The following SBF2 variants were observed in gnomAD, a reference collection of about 807,000 sequenced individuals.
SBF2 encodes the protein SET binding factor 2.
Under a neutral mutation model 225.2 loss-of-function variants are expected in SBF2, and 112 were observed. That is an observed-to-expected ratio of 0.50 (90% CI 0.43 to 0.58). The LOEUF (loss-of-function observed/expected upper bound fraction) is 0.58, where lower values mean the gene tolerates loss of function less well. Among genes scored for constraint, SBF2 ranks in the 20% least tolerant of loss-of-function variants. The pLI is 0.00. For missense variants in SBF2, 1,996 were observed against 2,206.2 expected (o/e 0.90, Z 1.91); for synonymous variants, 763 against 773.3 (o/e 0.99, Z 0.22).
At chr11:10,280,018 C>T (rs12285084) in intron 1 of SBF2, among the ~76,000 whole-genome samples, 3,202 of 152,292 alleles carry the variant, frequency 0.021, 84 homozygotes, top group African/African-American at 0.063. Context: ...AAATGTTTGG[C>T]ATCAGAATTG....
chr11:9,825,062 T>A (rs566588390), intron 28 of SBF2, among the ~76,000 whole-genome samples: 1 of 152,266 alleles, frequency 6.6e-6, no homozygotes, highest in African/African-American at 2.4e-5. Flanking sequence ...ATGGCTGTAA[T>A]GGGTTGAAAT....
chr11:10,129,410 T>A (rs991550556), intron 2 of SBF2, among the ~76,000 whole-genome samples: 1 of 152,152 alleles, frequency 6.6e-6, no homozygotes, highest in Non-Finnish European at 1.5e-5. Context: ...GCCAATTTTC[T>A]CTCCTTTCTT....
chr11:9,901,402 T>C (rs765228826), intron 16 of SBF2, among the ~76,000 whole-genome samples: 1 of 152,178 alleles, frequency 6.6e-6, no homozygotes, highest in East Asian at 1.9e-4. Context: ...TACAACCAAA[T>C]GAATAGACCC....
chr11:9,926,117 T>C (rs1252874327), intron 16 of SBF2, among the ~76,000 whole-genome samples: 1 of 152,236 alleles, frequency 6.6e-6, no homozygotes, highest in Non-Finnish European at 1.5e-5. Flanking sequence ...CTATCTGTAA[T>C]CTGGCTTAAG....
intron 2 of SBF2, among the ~76,000 whole-genome samples, chr11:10,163,259 ACT>A (rs917137645): frequency 6.6e-6 from 1 of 152,122 alleles, no homozygotes; most frequent in Non-Finnish European, 1.5e-5. Flanking sequence ...ATTTTCAAAG[ACT>A]CTCTCACATC....
intron 1 of SBF2, among the ~76,000 whole-genome samples, chr11:10,213,211 T>C (rs1371172486): frequency 6.6e-6 from 1 of 152,204 alleles, no homozygotes; most frequent in Non-Finnish European, 1.5e-5. Context: ...CTGTTGTATT[T>C]TCTTAAAGGT....
At chr11:9,851,152 ACAAC>A (rs1856920202) in intron 21 of SBF2, among the ~76,000 whole-genome samples, 1 of 116,868 alleles carries the variant, frequency 8.6e-6, no homozygotes, top group Non-Finnish European at 2.0e-5. Context: ...AAAAAAAACA[ACAAC>A]AAAAAAAAAC....
intron 16 of SBF2, among the ~76,000 whole-genome samples, chr11:9,919,136 T>C (rs1233408634): frequency 6.6e-6 from 1 of 152,136 alleles, no homozygotes; most frequent in Admixed American, 6.5e-5. Context: ...AATTAGGTCA[T>C]TCTTCAGTTC....
chr11:10,185,855 G>C (rs4281477), intron 2 of SBF2, among the ~76,000 whole-genome samples: 33,140 of 151,918 alleles, frequency 0.22, 4,240 homozygotes, highest in Non-Finnish European at 0.3. Context: ...TTTGCATACA[G>C]GTAATTCATA....
rs762281855 is a variant in SBF2, at chr11:9,855,407, T to A, written c.2363+1051A>T. 1.9e-3 allele frequency among the ~76,000 whole-genome samples: 283 copies of A among 152,160 alleles called. 5 individuals are homozygous for A. Among genetic ancestry groups the A allele is most frequent in the Non-Finnish European group, 3.1e-4 (21 of 67,998 alleles). On this transcript the variant is annotated intron_variant, in intron 19 of 39. Coordinates refer to ENST00000256190, the MANE Select transcript of SBF2 (RefSeq NM_030962.4). Reference sequence around the variant, plus strand: ...GAGTCTTCCACAGAGTAAGAAGAGCTTGGAAGAGGAATTGAGAATGGGAAG... The same window carrying A: ...GAGTCTTCCACAGAGTAAGAAGAGCATGGAAGAGGAATTGAGAATGGGAAG...
At chr11:10,222,044 C>T (rs191763082) in intron 1 of SBF2, among the ~76,000 whole-genome samples, 194 of 152,282 alleles carry the variant, frequency 1.3e-3, no homozygotes, top group African/African-American at 4.5e-3. Context: ...GAACCAAACA[C>T]GCAAAGGACA....
chr11:9,780,277 C>A lies in SBF2; in HGVS notation c.*141G>T, dbSNP rs1026021423. On this transcript the variant is annotated 3_prime_UTR_variant, in exon 40 of 40. Transcript: ENST00000256190. ...TATTCAGGTTAAGTAGATATAGCAACCCCTGCAAGAGGGGACTGGGCAGGA... is the reference window on the plus strand; with the variant it reads ...TATTCAGGTTAAGTAGATATAGCAAACCCTGCAAGAGGGGACTGGGCAGGA... 8.1e-6 allele frequency: 6 copies of A among 736,540 alleles called. No homozygotes were observed. Among genetic ancestry groups the A allele is most frequent in the South Asian group, 3.0e-5 (2 of 67,420 alleles). 45.6% of individuals were successfully genotyped at this position (736,540 alleles called of 1,614,324 possible).
chr11:9,993,778 G>A (rs1046552023), intron 10 of SBF2, 143 bp downstream of exon 10: 49 of 806,440 alleles, frequency 6.1e-5, no homozygotes, highest in Non-Finnish European at 8.6e-5. Flanking sequence ...GACAGTCAGC[G>A]GCAAGTATCC....
intron 1 of SBF2, chr11:10,302,946 A>C (rs1964611635): frequency 6.6e-6 from 1 of 152,088 alleles, no homozygotes; most frequent in South Asian, 2.1e-4. Context: ...CGCGCGGGAG[A>C]AATGAAAGTA....
chr11:10,098,720 C>T (rs4625455), intron 2 of SBF2, among the ~76,000 whole-genome samples: 34,437 of 140,208 alleles, frequency 0.25, 4,630 homozygotes, highest in Admixed American at 0.32. Context: ...CACACACACA[C>T]GAAATTCTGG....
At chr11:10,176,163 C>T in intron 2 of SBF2, among the ~76,000 whole-genome samples, 1 of 137,662 alleles carries the variant, frequency 7.3e-6, no homozygotes, top group East Asian at 2.1e-4. Context: ...ACACAACATA[C>T]CAGAATCTCT....
chr11:10,271,086 T>C (rs188461485), intron 1 of SBF2, among the ~76,000 whole-genome samples: 6 of 151,586 alleles, frequency 4.0e-5, no homozygotes, highest in African/African-American at 1.5e-4. Flanking sequence ...GAAATACATA[T>C]GTTAAAATGT....
chr11:10,232,452 C>T (rs1958897925), intron 1 of SBF2, among the ~76,000 whole-genome samples: 3 of 152,166 alleles, frequency 2.0e-5, no homozygotes, highest in Admixed American at 2.0e-4. Context: ...TTGGCTCCAC[C>T]CCTCAGTACA....
intron 2 of SBF2, among the ~76,000 whole-genome samples, chr11:10,057,342 A>C (rs1472965663): frequency 6.6e-6 from 1 of 152,154 alleles, no homozygotes; most frequent in Non-Finnish European, 1.5e-5. Context: ...TCTGCAATGT[A>C]ACTGCCCTTG....
Sources: allele counts gnomAD v4.1 joint callset (sites outside exome capture counted in the v4.1 genomes callset), GRCh38; gene constraint gnomAD v4.1.1; transcripts MANE v1.5; gene names NCBI Gene and HGNC (gene_info 2026-07-23, HGNC 2026-07-21).